Variants in MICAL3 observed in about 807,000 individuals in gnomAD.
MICAL3 encodes the protein microtubule associated monooxygenase, calponin and LIM domain containing 3.
In MICAL3, 62 loss-of-function variants were observed where a neutral mutation model predicts 207.4. The ratio of observed to expected loss-of-function variants is 0.30; its 90% CI spans 0.24 to 0.37. MICAL3 has a LOEUF of 0.37. MICAL3 is among the 10% of genes least tolerant of loss of function. MICAL3 has a pLI of 1.00. For missense variants in MICAL3, 2,368 were observed against 2,635.6 expected (o/e 0.90, Z 2.22); for synonymous variants, 1,077 against 1,069.3 (o/e 1.01, Z -0.14).
intron 1 of MICAL3, among the ~76,000 whole-genome samples, chr22:17,922,592 A>T (rs1932826652): frequency 6.6e-6 from 1 of 152,094 alleles, no homozygotes; most frequent in Non-Finnish European, 1.5e-5. Context: ...AGCTCCCAAG[A>T]GTTAGAATGG....
chr22:17,984,480 G>A (rs1602348649), intron 1 of MICAL3, among the ~76,000 whole-genome samples: 1 of 152,308 alleles, frequency 6.6e-6, no homozygotes, highest in African/African-American at 2.4e-5. Context: ...AGTGGCCTGT[G>A]CCACCCACAG....
rs143624082 is a variant in MICAL3, at chr22:17,962,956, T to C, written c.-74-56070A>G. The stretch of plus-strand genomic sequence containing the variant: ...ATTTTAGAGACAGGGTCTCACTATG[T>C]TGCCCAGGCAGTCACGAACTCCTAC... On this transcript the variant is annotated intron_variant, in intron 1 of 31. Transcript: ENST00000441493. Among the ~76,000 whole-genome samples the C allele has an allele frequency of 4.6e-3, 701 of 152,250 alleles. 26 individuals are homozygous for C. Among genetic ancestry groups the C allele is most frequent in the Admixed American group, 0.041 (624 of 15,290 alleles).
chr22:17,888,279 G>C (rs922532135), intron 13 of MICAL3, among the ~76,000 whole-genome samples: 1 of 152,108 alleles, frequency 6.6e-6, no homozygotes, highest in African/African-American at 2.4e-5. Context: ...TGTAAATCCA[G>C]GTCAGACCCC....
At chr22:17,862,693 C>T (rs1926650981) in intron 19 of MICAL3, 3 of 985,306 alleles carry the variant, frequency 3.0e-6, no homozygotes, top group Non-Finnish European at 3.6e-6. Context: ...TAAAATACTG[C>T]CCATAATCCT....
intron 16 of MICAL3, among the ~76,000 whole-genome samples, chr22:17,880,986 A>C (rs1267766420): frequency 6.6e-6 from 1 of 152,216 alleles, no homozygotes; most frequent in Non-Finnish European, 1.5e-5. Context: ...TCGTGTTTCC[A>C]TGATGTGGGT....
At chr22:17,808,146 C>T (rs1395709098) in intron 29 of MICAL3, among the ~76,000 whole-genome samples, 3 of 152,246 alleles carry the variant, frequency 2.0e-5, no homozygotes, top group Non-Finnish European at 4.4e-5. Context: ...AGCGCAGCCG[C>T]GCAGGTTCCC....
At chr22:17,819,228 C>T (rs1921275584) in intron 25 of MICAL3, 99 bp from the exon 26 acceptor site, 14 of 1,234,804 alleles carry the variant, frequency 1.1e-5, no homozygotes. Context: ...TGCACCTGTG[C>T]CTGCTGCAGG....
intron 1 of MICAL3, among the ~76,000 whole-genome samples, chr22:17,963,481 C>T (rs910247545): frequency 4.6e-5 from 7 of 152,052 alleles, no homozygotes; most frequent in African/African-American, 1.2e-4. Context: ...CAAGCACTGA[C>T]GCAGGAGAGC....
rs772807912 is a variant in MICAL3 at position 17,899,572 on chromosome 22, G to T, written c.848-24C>A. 16 of 1,481,550 alleles carry T rather than the reference G, an allele frequency of 1.1e-5. No individual in the cohort carries two copies. The Admixed American group carries it at 2.4e-4, about 23-fold the overall frequency. The allele number at this position is 1,481,550 out of a possible 1,614,324, so 91.8% of individuals were successfully genotyped here. On this transcript the variant is annotated intron_variant, in intron 6 of 31. Coordinates refer to ENST00000441493, the MANE Select transcript of MICAL3 (RefSeq NM_015241.3). ...ACCTGGGGCCAGAAGACAAACGTGT[G>T]CATGTAAGTTTGCTGAGATGAAGGT...
At chr22:18,008,246 A>G (rs1475403474) in intron 1 of MICAL3, among the ~76,000 whole-genome samples, 1 of 152,146 alleles carries the variant, frequency 6.6e-6, no homozygotes, top group Non-Finnish European at 1.5e-5. Context: ...CCTCAGAAAA[A>G]AAAAGCATGG....
At chr22:17,869,487 C>T (rs1392773774) in intron 17 of MICAL3, among the ~76,000 whole-genome samples, 1 of 152,096 alleles carries the variant, frequency 6.6e-6, no homozygotes, top group East Asian at 1.9e-4. Context: ...GGGCCTGACA[C>T]TAATTTTGAG....
chr22:17,813,081 A>C (rs983829480), intron 27 of MICAL3: 9 of 152,218 alleles, frequency 5.9e-5, no homozygotes, highest in African/African-American at 1.9e-4. Context: ...CTCCGCTGGC[A>C]GTGTTCCTGT....
intron 20 of MICAL3, among the ~76,000 whole-genome samples, chr22:17,839,251 GCT>G (rs760652732): frequency 8.2e-6 from 1 of 122,402 alleles, no homozygotes. Flanking sequence ...ACCAGGCCGG[GCT>G]CTTCATTTTT....
At position 17,902,963 on chromosome 22, in the gene MICAL3, C is replaced by G. The variant is rs1031063678; in HGVS notation, c.473-216G>C. Among the ~76,000 whole-genome samples, 17 of 152,228 alleles carry G rather than the reference C, an allele frequency of 1.1e-4. No homozygotes were observed. The highest frequency in any genetic ancestry group is 4.1e-4 in the African/African-American group (17 of 41,464). Reference sequence around the variant, plus strand: ...GGAAGAGCTGTTCTAGAGCAACACACAGGACACTCCCACGTCTCGGGTTCA... The same window carrying G: ...GGAAGAGCTGTTCTAGAGCAACACAGAGGACACTCCCACGTCTCGGGTTCA... On this transcript the variant is annotated intron_variant, in intron 3 of 31. Transcript: ENST00000441493. The surrounding 1 kb of genome is among the most constrained non-coding windows in gnomAD (Gnocchi z 4.5).
chr22:17,982,088 G>A (rs377256094), intron 1 of MICAL3, among the ~76,000 whole-genome samples: 26 of 151,190 alleles, frequency 1.7e-4, no homozygotes, highest in African/African-American at 6.1e-4. Flanking sequence ...CTGGGCAACA[G>A]AGCAAGACCT....
intron 28 of MICAL3, among the ~76,000 whole-genome samples, chr22:17,810,459 A>T (rs1178646569): frequency 6.6e-6 from 1 of 151,992 alleles, no homozygotes; most frequent in Non-Finnish European, 1.5e-5. Flanking sequence ...CAGCCTCCCA[A>T]AGTGCTGGGA....
chr22:17,832,181 A>G, intron 20 of MICAL3, 74 bp from the exon 21 acceptor site: 2 of 1,504,598 alleles, frequency 1.3e-6, no homozygotes, highest in Non-Finnish European at 1.8e-6. Context: ...AAGGGCCACC[A>G]TCAGAAACAA....
intron 11 of MICAL3, among the ~76,000 whole-genome samples, chr22:17,892,928 G>A (rs1356477007): frequency 2.0e-5 from 3 of 152,076 alleles, no homozygotes; most frequent in Admixed American, 6.5e-5. Flanking sequence ...CCTGCCCATC[G>A]ACTTCACCTC....
At chr22:17,985,741 G>C (rs1920975899) in intron 1 of MICAL3, among the ~76,000 whole-genome samples, 1 of 152,052 alleles carries the variant, frequency 6.6e-6, no homozygotes, top group Admixed American at 6.5e-5. Flanking sequence ...GCAGAATCGA[G>C]GCTTTCTCAT....
Sources: gnomAD v4.1 joint callset for allele counts (sites outside exome capture counted in the v4.1 genomes callset) on GRCh38, gnomAD v4.1.1 for gene constraint, Gnocchi (gnomAD v3.1) non-coding constraint, MANE v1.5 for transcripts, NCBI Gene and HGNC (gene_info 2026-07-23, HGNC 2026-07-21) for gene names.